CYP2A13: variants seen among roughly 807,000 people sequenced by gnomAD.
The protein encoded by CYP2A13 is cytochrome P450 2A13.
In CYP2A13, 30 loss-of-function variants were observed where a neutral mutation model predicts 39.4. The observed-to-expected ratio is 0.76, with a 90% CI of 0.57 to 1.03. The LOEUF is 1.03. CYP2A13 is among the 50% of genes least tolerant of loss of function. CYP2A13 has a pLI of 0.00. For synonymous variants in CYP2A13, 269 were observed against 254.7 expected (o/e 1.06, Z -0.54); for missense variants, 731 against 648.4 (o/e 1.13, Z -1.38).
Position 41,094,941 on chromosome 19 carries a change from C to T in CYP2A13, c.1162-18C>T, listed in dbSNP as rs758897798. On this transcript the variant is annotated intron_variant, in intron 7 of 8. Coordinates refer to ENST00000330436, the MANE Select transcript of CYP2A13 (RefSeq NM_000766.5). Reference sequence around the variant, plus strand: ...CCCCAACCTGCCTCATTACACACACCTTCCTCCTCCCTCCCAGGGCACTGA... The same window carrying T: ...CCCCAACCTGCCTCATTACACACACTTTCCTCCTCCCTCCCAGGGCACTGA... The T allele has an allele frequency of 1.3e-5, 21 of 1,613,582 alleles. No individual in the cohort carries two copies. The African/African-American group carries it at 2.7e-4, about 21-fold the overall frequency.
intron 5 of CYP2A13, among the ~76,000 whole-genome samples, chr19:41,092,863 G>A (rs1645693): frequency 0.067 from 10,152 of 152,196 alleles, 990 homozygotes; most frequent in African/African-American, 0.21. Flanking sequence ...AAGATTTTTA[G>A]GGAAGAAATA....
At position 41,096,043 on chromosome 19, in the gene CYP2A13, G is replaced by T; in HGVS notation, c.*102G>T. On this transcript the variant is annotated 3_prime_UTR_variant, in exon 9 of 9. Transcript: ENST00000330436. Reference sequence around the variant, plus strand: ...GGCGGGGCTAAGAATGGGGGCAGTGGGGGAAGGAAGGGGAGAGGTGGTTAG... The same window carrying T: ...GGCGGGGCTAAGAATGGGGGCAGTGTGGGAAGGAAGGGGAGAGGTGGTTAG... 1 of 1,408,230 alleles carries T rather than the reference G, an allele frequency of 7.1e-7. No homozygotes were observed. The highest frequency in any genetic ancestry group is 9.6e-7 in the Non-Finnish European group (1 of 1,041,388). 87.2% of individuals were successfully genotyped at this position (1,408,230 alleles called of 1,614,324 possible).
At chr19:41,093,206 C>CA (rs111881633) in intron 5 of CYP2A13, among the ~76,000 whole-genome samples, 6,380 of 133,578 alleles carry the variant, frequency 0.048, 150 homozygotes, top group African/African-American at 0.056. Context: ...GACCGTGTCT[C>CA]AAAAAAAAAA....
intron 8 of CYP2A13, 148 bp downstream of exon 8, chr19:41,095,248 T>G: frequency 6.8e-7 from 1 of 1,473,882 alleles, no homozygotes; most frequent in Non-Finnish European, 9.4e-7. Flanking sequence ...CAGCTGATAC[T>G]CCCTTAACTG....
intron 5 of CYP2A13, 65 bp from the exon 6 acceptor site, chr19:41,093,565 A>G: frequency 6.3e-7 from 1 of 1,595,708 alleles, no homozygotes; most frequent in South Asian, 1.1e-5. Context: ...CTCCAAAGGA[A>G]AAGCCCTAGA....
intron 5 of CYP2A13, 66 bp downstream of exon 5, chr19:41,091,974 G>A: frequency 6.3e-7 from 1 of 1,594,122 alleles, no homozygotes; most frequent in Non-Finnish European, 8.6e-7. Flanking sequence ...ATGGGAGTGG[G>A]GTGGGCAGAC....
Position 41,094,374 on chromosome 19 carries a change from T to G in CYP2A13, c.1103T>G (p.Met368Arg). The change falls in exon 7 of 9, where the codon ATG becomes AGG. Residue 368 changes from methionine (M) to arginine (R), a missense_variant. By Grantham distance (91) the Met-to-Arg change is moderately conservative. Transcript: ENST00000330436. The stretch of plus-strand genomic sequence containing the variant: ...CAAAGATTTGGAGACATGCTCCCCA[T>G]GGGTTTGGCCCACAGGGTCAACAAG... ...EIQRFGDMLP[M>R]GLAHRVNKDT... 6.2e-7 allele frequency: 1 copy of G among 1,614,114 alleles called. No homozygotes were observed. The highest frequency in any genetic ancestry group is 8.5e-7 in the Non-Finnish European group (1 of 1,180,010).
intron 2 of CYP2A13, among the ~76,000 whole-genome samples, chr19:41,089,324 C>T (rs2031116295): frequency 6.6e-6 from 1 of 152,106 alleles, no homozygotes; most frequent in Non-Finnish European, 1.5e-5. Flanking sequence ...CCTTCTCTCT[C>T]ACTGGAGTCT....
intron 1 of CYP2A13, 128 bp downstream of exon 1, chr19:41,088,779 G>A: frequency 3.3e-6 from 5 of 1,533,930 alleles, no homozygotes; most frequent in Non-Finnish European, 4.4e-6. Flanking sequence ...TCAGCATCAG[G>A]GTCCTAGCAG....
At chr19:41,089,646 A>C (rs1333273579) in intron 2 of CYP2A13, among the ~76,000 whole-genome samples, 1 of 150,742 alleles carries the variant, frequency 6.6e-6, no homozygotes, top group Non-Finnish European at 1.5e-5. Flanking sequence ...TCCTCCTCCC[A>C]GATCTCCCCA....
intron 7 of CYP2A13, among the ~76,000 whole-genome samples, 157 bp from the exon 8 acceptor site, chr19:41,094,802 C>G (rs1341613804): frequency 6.6e-6 from 1 of 151,988 alleles, no homozygotes; most frequent in Non-Finnish European, 1.5e-5. Context: ...AGACATGAAA[C>G]TTCTATCCCC....
chr19:41,094,143 G>A, intron 6 of CYP2A13, 102 bp from the exon 7 acceptor site: 1 of 1,522,950 alleles, frequency 6.6e-7, no homozygotes, highest in Admixed American at 2.1e-5. Context: ...CTACCTCCGT[G>A]TCATAGGTGG....
chr19:41,089,729 G>T (rs112995555), intron 2 of CYP2A13, among the ~76,000 whole-genome samples: 5 of 147,894 alleles, frequency 3.4e-5, no homozygotes, highest in South Asian at 2.1e-4. Context: ...GAGTATCCCC[G>T]TATCCCTCTG....
At position 41,092,131 on chromosome 19, in the gene CYP2A13, C is replaced by T. The variant is rs112185520; in HGVS notation, c.831+223C>T. ...AGGAGTTCGAGACCAGCCTGGCCAACATGGTGAAACCCCGTCTCTACTAAA... is the reference window on the plus strand; with the variant it reads ...AGGAGTTCGAGACCAGCCTGGCCAATATGGTGAAACCCCGTCTCTACTAAA... On this transcript the variant is annotated intron_variant, in intron 5 of 8. Transcript: ENST00000330436. 4.8e-3 allele frequency among the ~76,000 whole-genome samples: 737 copies of T among 151,992 alleles called. 5 individuals are homozygous for T. The highest frequency in any genetic ancestry group is 0.017 in the African/African-American group (710 of 41,432).
At position 41,093,704 on chromosome 19, in the gene CYP2A13, C is replaced by T. The variant is rs921169215; in HGVS notation, c.906C>T (p.Gly302=). ...CCACCCTGAACCTCTTCTTTGCGGG[C>T]ACTGAGACCGTGAGCACCACCCTGC... ...VMTTLNLFFA[G]TETVSTTLRY... is the part of the protein sequence containing the mutation. The change falls in exon 6 of 9, where the codon GGC becomes GGT. Residue 302 remains glycine (G), a synonymous_variant. Transcript: ENST00000330436. 6.2e-7 allele frequency: 1 copy of T among 1,614,002 alleles called. No homozygotes were observed. Among genetic ancestry groups the T allele is most frequent in the African/African-American group, 1.3e-5 (1 of 74,908 alleles).
At position 41,089,097 on chromosome 19, in the gene CYP2A13, G is replaced by A; in HGVS notation, c.343+6G>A. 1 of 1,611,914 alleles carries A rather than the reference G, an allele frequency of 6.2e-7. No individual in the cohort carries two copies. The highest frequency in any genetic ancestry group is 8.5e-7 in the Non-Finnish European group (1 of 1,179,668). On this transcript the variant is annotated splice_donor_region_variant and intron_variant, in intron 2 of 8. Transcript: ENST00000330436. ...CTGGCTCTTCAAAGGCTATGGTGAGGGGGTGCCCAAGAGGGGGAAGGTGGC... is the reference window on the plus strand; with the variant it reads ...CTGGCTCTTCAAAGGCTATGGTGAGAGGGTGCCCAAGAGGGGGAAGGTGGC...
chr19:41,095,936 C>G lies in CYP2A13; in HGVS notation c.1480C>G (p.Arg494Gly). ...PRNYTMSFLP[R>G] Reference sequence around the variant, plus strand: ...AAACTACACCATGAGCTTCCTGCCCCGCTGAGCGAGGGCTGTGCTGGTGCA... The same window carrying G: ...AAACTACACCATGAGCTTCCTGCCCGGCTGAGCGAGGGCTGTGCTGGTGCA... The change falls in exon 9 of 9, where the codon CGC (arginine) becomes GGC (glycine). Residue 494 changes from arginine to glycine, a missense_variant. By Grantham distance (125) the Arg-to-Gly change is moderately radical (BLOSUM62 -2). Coordinates refer to ENST00000330436, the MANE Select transcript of CYP2A13 (RefSeq NM_000766.5). 1 of 1,505,954 alleles carries G rather than the reference C, an allele frequency of 6.6e-7. No individual in the cohort carries two copies. Among genetic ancestry groups the G allele is most frequent in the Non-Finnish European group, 9.0e-7 (1 of 1,110,870 alleles). The allele number at this position is 1,505,954 out of a possible 1,614,324, so 93.3% of individuals were successfully genotyped here.
At position 41,093,710 on chromosome 19, in the gene CYP2A13, G is replaced by C. The variant is rs535056830; in HGVS notation, c.912G>C (p.Glu304Asp). ...TGAACCTCTTCTTTGCGGGCACTGA[G>C]ACCGTGAGCACCACCCTGCGCTACG... ...TTLNLFFAGT[E>D]TVSTTLRYGF... The change falls in exon 6 of 9, where the codon GAG (glutamate) becomes GAC (aspartate). Residue 304 changes from glutamate (E) to aspartate (D), a missense_variant. By Grantham distance (45) the Glu-to-Asp change is conservative. Transcript: ENST00000330436. 1 of 1,614,074 alleles carries C rather than the reference G, an allele frequency of 6.2e-7. No individual in the cohort carries two copies. The highest frequency in any genetic ancestry group is 2.2e-5 in the East Asian group (1 of 44,878).
intron 2 of CYP2A13, among the ~76,000 whole-genome samples, 181 bp from the exon 3 acceptor site, chr19:41,089,847 TCTCTCTCTCTCTCTCTCTC>T (rs1568366697): frequency 4.2e-5 from 5 of 118,900 alleles, no homozygotes; most frequent in Admixed American, 9.8e-5. Flanking sequence ...TCTCTCTCTC[TCTCTCTCTCTCTCTCTCTC>T]TCTCTCGTGC....
Sources: allele counts gnomAD v4.1 joint callset (sites outside exome capture counted in the v4.1 genomes callset), GRCh38; gene constraint gnomAD v4.1.1; transcripts MANE v1.5; gene names NCBI Gene and HGNC (gene_info 2026-07-23, HGNC 2026-07-21).